ADGRL2: variants seen among roughly 807,000 people sequenced by gnomAD.
ADGRL2 encodes adhesion G protein-coupled receptor L2.
ADGRL2 carries 44 observed loss-of-function variants against 157.4 expected under a neutral mutation model. The ratio of observed to expected loss-of-function variants is 0.28; its 90% CI spans 0.22 to 0.36. The LOEUF (loss-of-function observed/expected upper bound fraction) is 0.36. ADGRL2 is among the 10% of genes least tolerant of loss of function. ADGRL2 has a pLI of 1.00. For synonymous variants in ADGRL2, 585 were observed against 624.7 expected (o/e 0.94, Z 0.95); for missense variants, 1,510 against 1,768.9 (o/e 0.85, Z 2.63).
chr1:81,596,551 G>A (rs566228494), intron 3 of ADGRL2: 2 of 317,402 alleles, frequency 6.3e-6, no homozygotes, highest in Non-Finnish European at 1.3e-5. Context: ...TGGCAAGAGC[G>A]AACAGCGGTG....
chr1:81,432,357 A>T (rs867193213), intron 1 of ADGRL2, among the ~76,000 whole-genome samples: 1 of 152,188 alleles, frequency 6.6e-6, no homozygotes. Context: ...AGCTGTCTTG[A>T]TGTTTTCTTC....
At chr1:81,820,287 T>A (rs150306879) in intron 1 of ADGRL2, among the ~76,000 whole-genome samples, 2 of 152,178 alleles carry the variant, frequency 1.3e-5, no homozygotes, top group Non-Finnish European at 2.9e-5. Flanking sequence ...ATTCCTTGCA[T>A]GGATATAAGA....
At chr1:81,557,502 A>AAAG (rs777384651) in intron 2 of ADGRL2, 3 of 42,646 alleles carry the variant, frequency 7.0e-5, no homozygotes. Context: ...AGAAAGAAAG[A>AAAG]AAGAAAGAAA....
In ADGRL2 at chr1:81,884,892, T is replaced by C. The variant is rs183557019; in HGVS notation, c.74-22125T>C. On this transcript the variant is annotated intron_variant, in intron 2 of 23. Coordinates refer to ENST00000686636, the MANE Select transcript of ADGRL2 (RefSeq NM_001366006.2). ...GAAGTGAGTAGAGATAAATTCATAA[T>C]TGAGTGATCTGTAAAAGAGTGTTCC... Among the ~76,000 whole-genome samples the C allele has an allele frequency of 1.9e-3, 292 of 152,300 alleles. 1 individual carries two copies. The highest frequency in any genetic ancestry group is 6.8e-3 in the African/African-American group (283 of 41,560).
chr1:81,696,695 T>G (rs982979170), upstream of ADGRL2, among the ~76,000 whole-genome samples: 1 of 152,008 alleles, frequency 6.6e-6, no homozygotes, highest in Non-Finnish European at 1.5e-5. Context: ...GAGCTTGCAG[T>G]GAGCCAAGAT....
intron 1 of ADGRL2, among the ~76,000 whole-genome samples, chr1:81,758,595 T>C (rs1174700644): frequency 6.6e-6 from 1 of 152,224 alleles, no homozygotes; most frequent in Non-Finnish European, 1.5e-5. Context: ...GAAAAATTCA[T>C]TAAGAAGTAG....
chr1:81,690,470 T>C (rs552301922), intron 3 of ADGRL2, among the ~76,000 whole-genome samples: 1 of 152,310 alleles, frequency 6.6e-6, no homozygotes, highest in East Asian at 1.9e-4. Flanking sequence ...CACTCCAGCC[T>C]GGGTGACAGA....
intron 2 of ADGRL2, among the ~76,000 whole-genome samples, chr1:81,898,572 T>C (rs2094434623): frequency 6.6e-6 from 1 of 152,186 alleles, no homozygotes; most frequent in African/African-American, 2.4e-5. Flanking sequence ...AAGGATCTTC[T>C]ACAAATTTAC....
intron 2 of ADGRL2, among the ~76,000 whole-genome samples, chr1:81,560,771 C>A (rs1005294061): frequency 1.3e-5 from 2 of 151,986 alleles, no homozygotes; most frequent in Non-Finnish European, 1.5e-5. Context: ...ACTGGTCATT[C>A]GGGAATCAGT....
intron 2 of ADGRL2, among the ~76,000 whole-genome samples, chr1:81,445,895 G>T (rs560728431): frequency 6.6e-6 from 1 of 152,188 alleles, no homozygotes; most frequent in African/African-American, 2.4e-5. Context: ...ATATTGCCTG[G>T]CACCTAGTAA....
In ADGRL2 at chr1:81,776,722, C is replaced by T. The variant is rs147379509; in HGVS notation, c.-101+14870C>T. 3.7e-4 allele frequency among the ~76,000 whole-genome samples: 56 copies of T among 152,122 alleles called. 1 individual carries two copies. The South Asian group carries it at 8.7e-3, about 24-fold the overall frequency. On this transcript the variant is annotated intron_variant, in intron 2 of 20. Transcript: ENST00000359929. ...ATACATACACAATACAACTTAGATC[C>T]CTGCTGGTGGGAGAAATCTTCTATA...
chr1:81,394,870 GTCTC>G (rs925340917), intron 1 of ADGRL2, among the ~76,000 whole-genome samples: 24 of 150,962 alleles, frequency 1.6e-4, no homozygotes, highest in Non-Finnish European at 3.4e-4. Context: ...GTTATATTTT[GTCTC>G]TCTTTTTTAT....
intron 6 of ADGRL2, among the ~76,000 whole-genome samples, chr1:81,948,851 C>T (rs1158967577): frequency 6.6e-6 from 1 of 152,122 alleles, no homozygotes; most frequent in Non-Finnish European, 1.5e-5. Flanking sequence ...AGGAATAAAA[C>T]GTGTATAGTG....
intron 2 of ADGRL2, among the ~76,000 whole-genome samples, chr1:81,476,133 A>G (rs939028526): frequency 5.3e-5 from 8 of 151,876 alleles, no homozygotes; most frequent in Non-Finnish European, 1.2e-4. Context: ...GGGTAGGAAA[A>G]AAAGAAAGAA....
At chr1:81,699,963 T>C (rs970626483) in intron 1 of ADGRL2, among the ~76,000 whole-genome samples, 5 of 151,940 alleles carry the variant, frequency 3.3e-5, no homozygotes, top group Non-Finnish European at 7.3e-5. Flanking sequence ...GTCTGGTGCC[T>C]GCTCTAAAAA....
At chr1:81,677,558 TGAC>T (rs2083022948) in intron 3 of ADGRL2, among the ~76,000 whole-genome samples, 1 of 152,220 alleles carries the variant, frequency 6.6e-6, no homozygotes, top group Non-Finnish European at 1.5e-5. Flanking sequence ...CTGTTCAAGT[TGAC>T]CTCTGTCTCC....
chr1:81,429,046 A>G (rs2077271452), intron 1 of ADGRL2, among the ~76,000 whole-genome samples: 1 of 152,166 alleles, frequency 6.6e-6, no homozygotes, highest in African/African-American at 2.4e-5. Flanking sequence ...CCACCTATTC[A>G]CATTCCCATA....
chr1:81,629,075 G>C (rs1283498344), intron 3 of ADGRL2, among the ~76,000 whole-genome samples: 1 of 152,148 alleles, frequency 6.6e-6, no homozygotes, highest in Non-Finnish European at 1.5e-5. Flanking sequence ...TATAGTGCAA[G>C]AGTGACCATT....
At chr1:81,941,909 T>C in intron 4 of ADGRL2, 125 bp from the exon 5 acceptor site, 1 of 532,486 alleles carries the variant, frequency 1.9e-6, no homozygotes, top group East Asian at 3.1e-5. Context: ...AGTACAGCTC[T>C]TAATTCTTCC....
Sources: gnomAD v4.1 joint callset for allele counts (sites outside exome capture counted in the v4.1 genomes callset) on GRCh38, gnomAD v4.1.1 for gene constraint, MANE v1.5 for transcripts, NCBI Gene and HGNC (gene_info 2026-07-23, HGNC 2026-07-21) for gene names.